The following MYO6 variants were observed in gnomAD, a reference collection of about 807,000 sequenced individuals.
MYO6 encodes the protein myosin VI, also known as unconventional myosin-VI.
Under a neutral mutation model 178.7 loss-of-function variants are expected in MYO6, and 74 were observed. The observed-to-expected ratio is 0.41, with a 90% CI of 0.34 to 0.50. MYO6 has a LOEUF of 0.50. Among genes scored for constraint, MYO6 ranks in the 20% least tolerant of loss-of-function variants. MYO6 has a pLI of 0.09. For synonymous variants in MYO6, 477 were observed against 504.6 expected, an observed-to-expected ratio of 0.95 and a Z score of 0.73; for missense variants, 1,330 against 1,547.4, an observed-to-expected ratio of 0.86 and a Z score of 2.36.
rs747909771 is a variant in MYO6 at position 75,918,479 on chromosome 6, A to T, written c.*3467A>T. 3 of 152,224 alleles carry T rather than the reference A, an allele frequency of 2.0e-5. No individual in the cohort carries two copies. Among genetic ancestry groups the T allele is most frequent in the Non-Finnish European group, 2.9e-5 (2 of 68,046 alleles). 9.4% of individuals were successfully genotyped at this position (152,224 alleles called of 1,614,324 possible). A position where few individuals can be genotyped will look rare whatever the true frequency, so the allele number is the denominator to read the frequency against. ...GAATGAATAATGTGTAATTTATAGG[A>T]TCAGAACGTATGGTTATTAAAACTT... On this transcript the variant is annotated 3_prime_UTR_variant, in exon 35 of 35. Transcript: ENST00000369977.
At position 75,835,874 on chromosome 6, in the gene MYO6, A is replaced by G; in HGVS notation, c.498-27A>G. The G allele has an allele frequency of 2.2e-6, 3 of 1,380,828 alleles. No individual in the cohort carries two copies. In the East Asian group the frequency reaches 6.9e-5, roughly 32 times the overall value. 85.5% of individuals were successfully genotyped at this position (1,380,828 alleles called of 1,614,324 possible). On this transcript the variant is annotated intron_variant, in intron 6 of 34. Coordinates refer to ENST00000369977, the MANE Select transcript of MYO6 (RefSeq NM_004999.4). ...ATTGTACACCATATTATTGTCATCAACATTTTTTATCCTATATTTTAAACA... is the reference window on the plus strand; with the variant it reads ...ATTGTACACCATATTATTGTCATCAGCATTTTTTATCCTATATTTTAAACA...
rs762544424 is a variant in MYO6, at chr6:75,879,825, G to A, written c.2083G>A (p.Val695Met). The A allele has an allele frequency of 1.4e-5, 22 of 1,614,004 alleles. No individual in the cohort carries two copies. The highest frequency in any genetic ancestry group is 1.8e-5 in the Non-Finnish European group (21 of 1,180,012). ...GTGCTTGTTCGTGAATCTAGGGATGGTGTCTGTTTTGGACTTGATGCAGGG... is the reference window on the plus strand; with the variant it reads ...GTGCTTGTTCGTGAATCTAGGGATGATGTCTGTTTTGGACTTGATGCAGGG... ...ILSQLQCSGM[V>M]SVLDLMQGGY... Residue 695 changes from valine (V) to methionine (M), a missense_variant, in exon 21 of 35, where the codon GTG (valine) becomes ATG (methionine). Coordinates refer to ENST00000369977, the MANE Select transcript of MYO6 (RefSeq NM_004999.4).
At chr6:75,782,629 CTT>C (rs1319319956) in intron 1 of MYO6, among the ~76,000 whole-genome samples, 2 of 152,184 alleles carry the variant, frequency 1.3e-5, no homozygotes, top group Non-Finnish European at 2.9e-5. Flanking sequence ...GCTTGTTACA[CTT>C]TTCATTCTTG....
intron 1 of MYO6, among the ~76,000 whole-genome samples, chr6:75,807,538 T>C (rs1486841370): frequency 1.3e-5 from 2 of 152,166 alleles, no homozygotes; most frequent in African/African-American, 4.8e-5. Context: ...TTTTATCTTT[T>C]CCCCCTATTT....
At chr6:75,814,001 G>A (rs1296300657) in intron 1 of MYO6, among the ~76,000 whole-genome samples, 2 of 152,108 alleles carry the variant, frequency 1.3e-5, no homozygotes, top group Non-Finnish European at 2.9e-5. Context: ...ACTCCTGGCC[G>A]CCCAGCTGGT....
rs1436109693 is a variant in MYO6, at chr6:75,917,254, A to G, written c.*2242A>G. ...ATTCACTCATATTTTAATCATTTTA[A>G]CTGAGATTTAAAATTAGAAGTTTAA... is the stretch of plus-strand genomic sequence containing the variant. On this transcript the variant is annotated 3_prime_UTR_variant, in exon 35 of 35. Coordinates refer to ENST00000369977, the MANE Select transcript of MYO6 (RefSeq NM_004999.4). The G allele has an allele frequency of 6.5e-6, 1 of 152,686 alleles. No homozygotes were observed. Among genetic ancestry groups the G allele is most frequent in the East Asian group, 1.9e-4 (1 of 5,200 alleles). The allele number at this position is 152,686 out of a possible 1,614,324, so 9.5% of individuals were successfully genotyped here. A position where few individuals can be genotyped will look rare whatever the true frequency, so the allele number is the denominator to read the frequency against.
intron 1 of MYO6, among the ~76,000 whole-genome samples, chr6:75,758,084 TCTC>T: frequency 6.8e-6 from 1 of 146,064 alleles, no homozygotes; most frequent in East Asian, 2.2e-4. Flanking sequence ...TTCAAGCAAT[TCTC>T]CTGCCTCAGC....
At chr6:75,804,628 G>C (rs1351466340) in intron 1 of MYO6, among the ~76,000 whole-genome samples, 3 of 151,964 alleles carry the variant, frequency 2.0e-5, no homozygotes, top group Admixed American at 2.0e-4. Flanking sequence ...CAGATACCTT[G>C]TCTCTTTTTG....
At chr6:75,823,101 T>C (rs1244102469) in intron 3 of MYO6, among the ~76,000 whole-genome samples, 1 of 152,214 alleles carries the variant, frequency 6.6e-6, no homozygotes, top group Non-Finnish European at 1.5e-5. Context: ...TGGTAATTAC[T>C]GTAAGGCTTG....
At chr6:75,870,162 G>A (rs1055082151) in intron 18 of MYO6, among the ~76,000 whole-genome samples, 25 of 151,944 alleles carry the variant, frequency 1.6e-4, no homozygotes, top group African/African-American at 5.3e-4. Flanking sequence ...AGCTAGGCAG[G>A]ACAATTTTGT....
rs1488489657 is a variant in MYO6 at position 75,842,459 on chromosome 6, T to C, written c.816+1081T>C. ...ATTTGAGAATCATAACACACATAATTACTGCTCTGTGGTTGTGTGTGTGCG... is the reference window on the plus strand; with the variant it reads ...ATTTGAGAATCATAACACACATAATCACTGCTCTGTGGTTGTGTGTGTGCG... On this transcript the variant is annotated intron_variant, in intron 9 of 34. Transcript: ENST00000369977. Among the ~76,000 whole-genome samples the C allele has an allele frequency of 2.0e-5, 3 of 152,194 alleles. No individual in the cohort carries two copies. The East Asian group carries it at 5.8e-4, about 29-fold the overall frequency.
chr6:75,841,182 A>G (rs1774188704), intron 8 of MYO6, 32 bp from the exon 9 acceptor site: 1 of 1,600,890 alleles, frequency 6.2e-7, no homozygotes, highest in Non-Finnish European at 8.5e-7. Context: ...TTTAAATGCA[A>G]AAATATATTT....
At chr6:75,779,372 A>G (rs1268138781) in intron 1 of MYO6, among the ~76,000 whole-genome samples, 2 of 152,058 alleles carry the variant, frequency 1.3e-5, no homozygotes, top group Admixed American at 6.6e-5. Flanking sequence ...CGTGGTGGCA[A>G]GTGCCTGTGG....
Position 75,919,534 on chromosome 6 carries a change from T to C in MYO6, c.*4522T>C, listed in dbSNP as rs1381703955. 1.3e-5 allele frequency: 2 copies of C among 152,726 alleles called. No homozygotes were observed. The highest frequency in any genetic ancestry group is 6.5e-5 in the Admixed American group (1 of 15,294). The allele number at this position is 152,726 out of a possible 1,614,324, so 9.5% of individuals were successfully genotyped here. A position where few individuals can be genotyped will look rare whatever the true frequency, so the allele number is the denominator to read the frequency against. On this transcript the variant is annotated 3_prime_UTR_variant, in exon 35 of 35. Transcript: ENST00000369977. ...ATAAATAAATGCTCCCTGTGTAGAA[T>C]TTCCACTTGCATCTTGTGCTTTTAA... is the stretch of plus-strand genomic sequence containing the variant.
intron 7 of MYO6, among the ~76,000 whole-genome samples, chr6:75,839,751 C>A (rs1418122395): frequency 2.0e-5 from 3 of 151,770 alleles, no homozygotes; most frequent in Non-Finnish European, 4.4e-5. Flanking sequence ...ATTCTGAGAG[C>A]CTTAGGTAAT....
rs940010989 is a variant in MYO6, at chr6:75,848,628, A to G, written c.1078+97A>G. ...TGTCTCTTTATATGCAGTTTGCTTA[A>G]AAACTTTAAGAAATATCTAAAATAT... is the stretch of plus-strand genomic sequence containing the variant. On this transcript the variant is annotated intron_variant, in intron 11 of 34. Coordinates refer to ENST00000369977, the MANE Select transcript of MYO6 (RefSeq NM_004999.4). 6.3e-6 allele frequency: 8 copies of G among 1,262,338 alleles called. No homozygotes were observed. The Admixed American group carries it at 1.6e-4, about 25-fold the overall frequency. 78.2% of individuals were successfully genotyped at this position (1,262,338 alleles called of 1,614,324 possible).
chr6:75,847,030 G>C (rs910162451), intron 10 of MYO6, among the ~76,000 whole-genome samples: 1 of 152,088 alleles, frequency 6.6e-6, no homozygotes, highest in African/African-American at 2.4e-5. Flanking sequence ...AATGTCTTTA[G>C]GTTGTGTGTA....
intron 1 of MYO6, among the ~76,000 whole-genome samples, chr6:75,756,927 A>G (rs1777421807): frequency 6.9e-6 from 1 of 145,412 alleles, no homozygotes; most frequent in South Asian, 2.2e-4. Context: ...ATATATACAC[A>G]CCATATATAG....
intron 1 of MYO6, among the ~76,000 whole-genome samples, chr6:75,803,247 T>C (rs2150123517): frequency 6.6e-6 from 1 of 152,326 alleles, no homozygotes; most frequent in South Asian, 2.1e-4. Flanking sequence ...AAATATTTCA[T>C]AGTAAGCTTA....
Sources: gnomAD v4.1 joint callset for allele counts (sites outside exome capture counted in the v4.1 genomes callset) on GRCh38, gnomAD v4.1.1 for gene constraint, MANE v1.5 for transcripts, NCBI Gene and HGNC (gene_info 2026-07-23, HGNC 2026-07-21) for gene names.